Variants in SIPA1L2 observed in about 807,000 individuals in gnomAD.
SIPA1L2 encodes signal induced proliferation associated 1 like 2, also known as signal-induced proliferation-associated 1-like protein 2.
A neutral mutation model predicts 163.9 loss-of-function variants in SIPA1L2; 56 were observed. The ratio of observed to expected loss-of-function variants is 0.34; its 90% confidence interval spans 0.28 to 0.43. The LOEUF (loss-of-function observed/expected upper bound fraction) is 0.43, where lower values mean the gene tolerates loss of function less well. Among genes scored for constraint, SIPA1L2 ranks in the 20% least tolerant of loss-of-function variants. The pLI, the probability that SIPA1L2 is intolerant of heterozygous loss-of-function variation, is 1.00. For synonymous variants in SIPA1L2, 877 were observed against 865.7 expected, an observed-to-expected ratio of 1.01 and a Z score of -0.23; for missense variants, 1,974 against 2,193.5, an observed-to-expected ratio of 0.90 and a Z score of 2.00.
chr1:232,493,211 C>T (rs1291093504), intron 4 of SIPA1L2, among the ~76,000 whole-genome samples: 1 of 152,130 alleles, frequency 6.6e-6, no homozygotes, highest in East Asian at 1.9e-4. Context: ...TTTCTTGAGG[C>T]CTCCCAGTCA....
At chr1:232,541,577 G>A (rs1657680929) in intron 2 of SIPA1L2, among the ~76,000 whole-genome samples, 1 of 152,168 alleles carries the variant, frequency 6.6e-6, no homozygotes, top group South Asian at 2.1e-4. Context: ...GTCAATATCT[G>A]CATCTCTTAG....
intron 2 of SIPA1L2, among the ~76,000 whole-genome samples, chr1:232,540,413 C>A (rs376539107): frequency 2.6e-5 from 4 of 152,184 alleles, no homozygotes; most frequent in African/African-American, 7.2e-5. Flanking sequence ...ACTGAGCCAG[C>A]CTCTGCCATG....
intron 11 of SIPA1L2, 31 bp downstream of exon 11, chr1:232,445,498 G>C (rs775469071): frequency 4.3e-6 from 7 of 1,612,282 alleles, no homozygotes; most frequent in Non-Finnish European, 5.9e-6. Context: ...ATTTACAAGG[G>C]CCCCCCTTGA....
chr1:232,451,735 A>G (rs939653991), intron 10 of SIPA1L2, among the ~76,000 whole-genome samples: 2 of 152,064 alleles, frequency 1.3e-5, no homozygotes, highest in African/African-American at 4.8e-5. Context: ...AGGAGATACT[A>G]AAAAACCTCA....
intron 5 of SIPA1L2, among the ~76,000 whole-genome samples, chr1:232,486,851 C>A (rs1034342012): frequency 1.3e-5 from 2 of 152,208 alleles, no homozygotes; most frequent in African/African-American, 4.8e-5. Flanking sequence ...AGGCTAGCAA[C>A]ATACTTCTTC....
intron 19 of SIPA1L2, among the ~76,000 whole-genome samples, chr1:232,413,377 C>A (rs1351273739): frequency 2.0e-5 from 3 of 152,150 alleles, no homozygotes; most frequent in Non-Finnish European, 4.4e-5. Context: ...TCAGTCCATG[C>A]ACCATTTTGC....
At chr1:232,563,955 T>TGTGTGTGTGTG (rs1558270699) in intron 2 of SIPA1L2, among the ~76,000 whole-genome samples, 13 of 116,700 alleles carry the variant, frequency 1.1e-4, no homozygotes, top group African/African-American at 4.4e-4. Flanking sequence ...TTTTTTTTTT[T>TGTGTGTGTGTG]CGTGTGTGTG....
chr1:232,423,134 T>C (rs748396069), intron 18 of SIPA1L2, among the ~76,000 whole-genome samples: 6 of 152,198 alleles, frequency 3.9e-5, no homozygotes, highest in Non-Finnish European at 5.9e-5. Flanking sequence ...TGATATTGTA[T>C]AGTGTATTGT....
intron 3 of SIPA1L2, among the ~76,000 whole-genome samples, chr1:232,496,653 C>T (rs1315423379): frequency 1.3e-5 from 2 of 151,818 alleles, no homozygotes; most frequent in African/African-American, 4.8e-5. Context: ...CTATATTAAG[C>T]TGGCATTAGT....
intron 1 of SIPA1L2, among the ~76,000 whole-genome samples, chr1:232,592,059 A>T (rs1026550687): frequency 6.6e-6 from 1 of 152,202 alleles, no homozygotes; most frequent in Non-Finnish European, 1.5e-5. Flanking sequence ...TACCAGAATA[A>T]GAAAAAGAAG....
At chr1:232,591,176 AT>A (rs1436826847) in intron 1 of SIPA1L2, among the ~76,000 whole-genome samples, 1 of 152,246 alleles carries the variant, frequency 6.6e-6, no homozygotes, top group Non-Finnish European at 1.5e-5. Context: ...GCCAAAAAGC[AT>A]TTAAATGGAA....
At chr1:232,430,318 A>G (rs1209359672) in intron 16 of SIPA1L2, among the ~76,000 whole-genome samples, 1 of 152,248 alleles carries the variant, frequency 6.6e-6, no homozygotes, top group East Asian at 1.9e-4. Context: ...CAGAGGGAAC[A>G]GCATGAATGG....
At chr1:232,427,239 T>C (rs928366218) in intron 17 of SIPA1L2, among the ~76,000 whole-genome samples, 1 of 152,222 alleles carries the variant, frequency 6.6e-6, no homozygotes, top group African/African-American at 2.4e-5. Context: ...AAAGACTCAT[T>C]ATGATGGAGT....
intron 18 of SIPA1L2, chr1:232,415,833 C>T (rs56248428): frequency 1.3e-5 from 6 of 474,720 alleles, no homozygotes; most frequent in East Asian, 8.9e-5. Context: ...ACTGTCCCTC[C>T]CAGAGTCAGT....
At chr1:232,421,466 G>C (rs1661572870) in intron 18 of SIPA1L2, among the ~76,000 whole-genome samples, 1 of 152,156 alleles carries the variant, frequency 6.6e-6, no homozygotes, top group Non-Finnish European at 1.5e-5. Context: ...TCAGATATCT[G>C]AGGTTTCACA....
intron 1 of SIPA1L2, among the ~76,000 whole-genome samples, chr1:232,609,859 G>GA (rs1304229343): frequency 6.8e-6 from 1 of 147,736 alleles, no homozygotes; most frequent in Non-Finnish European, 1.5e-5. Context: ...AAAGAAAAAA[G>GA]AAAAAAAAGG....
At chr1:232,479,835 G>T in intron 6 of SIPA1L2, 105 bp from the exon 7 acceptor site, 2 of 880,352 alleles carry the variant, frequency 2.3e-6, no homozygotes, top group Non-Finnish European at 3.6e-6. Context: ...AAAACACCAA[G>T]CTCTACCCAA....
At chr1:232,494,564 A>C (rs1666084117) in intron 3 of SIPA1L2, among the ~76,000 whole-genome samples, 1 of 152,248 alleles carries the variant, frequency 6.6e-6, no homozygotes, top group South Asian at 2.1e-4. Context: ...CATGAAGCTT[A>C]CTGCTCTGTG....
intron 2 of SIPA1L2, among the ~76,000 whole-genome samples, chr1:232,559,043 A>G (rs1243410774): frequency 2.6e-5 from 4 of 152,144 alleles, no homozygotes; most frequent in Non-Finnish European, 5.9e-5. Flanking sequence ...CACACTCTAG[A>G]GTCCTCATCC....
Sources: allele counts gnomAD v4.1 joint callset (sites outside exome capture counted in the v4.1 genomes callset), GRCh38; gene constraint gnomAD v4.1.1; transcripts MANE v1.5; gene names NCBI Gene and HGNC (gene_info 2026-07-23, HGNC 2026-07-21).